PPP3CA: variants seen among roughly 807,000 people sequenced by gnomAD.
The protein encoded by PPP3CA is protein phosphatase 3 catalytic subunit alpha.
PPP3CA carries 14 observed loss-of-function variants against 66.5 expected under a neutral mutation model. The ratio of observed to expected loss-of-function variants is 0.21; its 90% CI spans 0.14 to 0.33. The LOEUF (loss-of-function observed/expected upper bound fraction) is 0.33. Ranked by LOEUF, PPP3CA falls within the 10% of genes least tolerant of loss-of-function variation. The pLI, the probability that PPP3CA is intolerant of heterozygous loss-of-function variation, is 1.00. For missense variants in PPP3CA, 317 were observed against 639.5 expected (o/e 0.50, Z 5.44); for synonymous variants, 232 against 226.2 (o/e 1.03, Z -0.23).
intron 11 of PPP3CA, among the ~76,000 whole-genome samples, chr4:101,033,138 C>CTAAA (rs1294112202): frequency 6.6e-6 from 1 of 151,884 alleles, no homozygotes; most frequent in South Asian, 2.1e-4. Context: ...ATAACCATGA[C>CTAAA]TAAATAACCA....
intron 2 of PPP3CA, among the ~76,000 whole-genome samples, chr4:101,171,575 C>T (rs1447597252): frequency 6.6e-6 from 1 of 152,098 alleles, no homozygotes; most frequent in African/African-American, 2.4e-5. Flanking sequence ...CTGCAGGAAA[C>T]TGGAACATGG....
At chr4:101,308,743 A>G (rs1047181833) in intron 1 of PPP3CA, among the ~76,000 whole-genome samples, 2 of 152,216 alleles carry the variant, frequency 1.3e-5, no homozygotes, top group Admixed American at 6.5e-5. Flanking sequence ...ATTTTTAATA[A>G]AGTGTTAGCC....
intron 11 of PPP3CA, among the ~76,000 whole-genome samples, chr4:101,036,689 G>A (rs1727268348): frequency 6.6e-6 from 1 of 152,178 alleles, no homozygotes; most frequent in East Asian, 1.9e-4. Flanking sequence ...TGGGATTACA[G>A]GCGTGAGCCA....
rs1560605247 is a variant in PPP3CA at position 101,106,463 on chromosome 4, A to AGAAAGAAAGAAAGAAAGAAG, written c.384+2490_384+2491insCTTCTTTCTTTCTTTCTTTC. On this transcript the variant is annotated intron_variant, in intron 3 of 13. Coordinates refer to ENST00000394854, the MANE Select transcript of PPP3CA (RefSeq NM_000944.5). ...AAAGAAAGAAAGAAAGAGAAAAGAAAAGAAAAGAAAAGAAAAGAAAAGAAA... is the reference window on the plus strand; with the variant it reads ...AAAGAAAGAAAGAAAGAGAAAAGAAAGAAAGAAAGAAAGAAAGAAGAGAAAAGAAAAGAAAAGAAAAGAAA... 3.2e-3 allele frequency among the ~76,000 whole-genome samples: 108 copies of AGAAAGAAAGAAAGAAAGAAG among 33,766 alleles called. 20 individuals carry two copies. The highest frequency in any genetic ancestry group is 0.029 in the Middle Eastern group (2 of 70). The allele number at this position is 33,766 out of a possible 152,430, so 22.2% of individuals were successfully genotyped here. A position where few individuals can be genotyped will look rare whatever the true frequency, so the allele number is the denominator to read the frequency against.
In PPP3CA at chr4:101,086,027, C is replaced by T. The variant is rs959925065; in HGVS notation, c.783-2764G>A. On this transcript the variant is annotated intron_variant, in intron 6 of 13. Coordinates refer to ENST00000394854, the MANE Select transcript of PPP3CA (RefSeq NM_000944.5). ...AGACAGTATTAGCTACAGGGAGGGG[C>T]GGTATAAGTTCAAGGCAGGTTTCTG... Among the ~76,000 whole-genome samples, 6 of 151,894 alleles carry T rather than the reference C, an allele frequency of 4.0e-5. No individual in the cohort carries two copies. In the South Asian group the frequency reaches 6.2e-4, roughly 16 times the overall value.
chr4:101,049,184 T>C (rs567181281), intron 10 of PPP3CA, among the ~76,000 whole-genome samples: 2 of 152,276 alleles, frequency 1.3e-5, no homozygotes, highest in Non-Finnish European at 2.9e-5. Context: ...CTCTAAGATG[T>C]TGTGTTCCGT....
intron 2 of PPP3CA, among the ~76,000 whole-genome samples, chr4:101,181,374 C>T (rs1724230115): frequency 6.6e-6 from 1 of 151,872 alleles, no homozygotes; most frequent in African/African-American, 2.4e-5. Context: ...CCTGAGGATC[C>T]TTTTTAAAAC....
Position 101,134,968 on chromosome 4 carries a change from A to T in PPP3CA, c.260-25890T>A, listed in dbSNP as rs144320723. On this transcript the variant is annotated intron_variant, in intron 2 of 13. Transcript: ENST00000394854. ...ATCATTCTCAGCAAAATAACACAGGAACAGAAAACCAAACACCGCATGTTC... is the reference window on the plus strand; with the variant it reads ...ATCATTCTCAGCAAAATAACACAGGTACAGAAAACCAAACACCGCATGTTC... 9.0e-4 allele frequency among the ~76,000 whole-genome samples: 137 copies of T among 152,248 alleles called. 2 individuals carry two copies. The East Asian group carries it at 0.023, about 26-fold the overall frequency.
intron 8 of PPP3CA, among the ~76,000 whole-genome samples, chr4:101,076,961 C>T (rs1057289417): frequency 1.1e-4 from 16 of 152,166 alleles, no homozygotes; most frequent in African/African-American, 3.9e-4. Context: ...GAGTTAGTTG[C>T]TTAATGGCAG....
chr4:101,028,012 G>C (rs1273163199), intron 13 of PPP3CA, among the ~76,000 whole-genome samples: 1 of 152,190 alleles, frequency 6.6e-6, no homozygotes, highest in Non-Finnish European at 1.5e-5. Flanking sequence ...AAGAGGAATA[G>C]AGAATTCCCA....
chr4:101,344,239 T>C (rs1372244), intron 1 of PPP3CA, among the ~76,000 whole-genome samples: 16,196 of 152,262 alleles, frequency 0.11, 2,926 homozygotes, highest in African/African-American at 0.37. Context: ...ATACGCGTAC[T>C]TTCCATTCAT....
intron 1 of PPP3CA, among the ~76,000 whole-genome samples, chr4:101,287,522 A>C (rs771546733): frequency 4.6e-5 from 7 of 152,152 alleles, no homozygotes; most frequent in Non-Finnish European, 7.3e-5. Context: ...ATTTCCTTAG[A>C]TATGCAGCCC....
intron 1 of PPP3CA, among the ~76,000 whole-genome samples, chr4:101,277,946 C>T (rs960522624): frequency 2.0e-5 from 3 of 151,916 alleles, no homozygotes; most frequent in Non-Finnish European, 2.9e-5. Context: ...AATCCCCTTC[C>T]TAATCTTCCT....
At chr4:101,134,823 A>C (rs2695211) in intron 2 of PPP3CA, among the ~76,000 whole-genome samples, 84,737 of 151,668 alleles carry the variant, frequency 0.56, 26,492 homozygotes, top group African/African-American at 0.84. Context: ...AGACTTGGGG[A>C]CAATCCAAAT....
At chr4:101,285,589 C>T (rs1332292924) in intron 1 of PPP3CA, among the ~76,000 whole-genome samples, 1 of 141,602 alleles carries the variant, frequency 7.1e-6, no homozygotes, top group Non-Finnish European at 1.5e-5. Context: ...TTTCAAATGC[C>T]ACTGTGTGTA....
At chr4:101,322,571 G>A (rs188042405) in intron 1 of PPP3CA, among the ~76,000 whole-genome samples, 6 of 151,942 alleles carry the variant, frequency 3.9e-5, no homozygotes, top group African/African-American at 7.2e-5. Flanking sequence ...CTAAACACCC[G>A]GCTAATTTTT....
At chr4:101,244,978 G>A (rs1238909382) in intron 1 of PPP3CA, among the ~76,000 whole-genome samples, 2 of 152,058 alleles carry the variant, frequency 1.3e-5, no homozygotes, top group Admixed American at 6.5e-5. Context: ...AAGAAAAATC[G>A]ACTCTGCCTA....
chr4:101,132,075 A>C (rs1722461222), intron 2 of PPP3CA, among the ~76,000 whole-genome samples: 1 of 152,234 alleles, frequency 6.6e-6, no homozygotes, highest in Admixed American at 6.5e-5. Context: ...GACACAATGT[A>C]CCAGATTCTC....
At position 101,106,450 on chromosome 4, in the gene PPP3CA, A is replaced by AAGAGAAGAGAAGAG. The variant is rs1553925316; in HGVS notation, c.384+2503_384+2504insCTCTTCTCTTCTCT. Among the ~76,000 whole-genome samples, 14 of 11,118 alleles carry AAGAGAAGAGAAGAG rather than the reference A, an allele frequency of 1.3e-3. 4 individuals are homozygous for AAGAGAAGAGAAGAG. The highest frequency in any genetic ancestry group is 4.6e-3 in the South Asian group (1 of 218). 7.3% of individuals were successfully genotyped at this position (11,118 alleles called of 152,430 possible). A position where few individuals can be genotyped will look rare whatever the true frequency, so the allele number is the denominator to read the frequency against. On this transcript the variant is annotated intron_variant, in intron 3 of 13. Coordinates refer to ENST00000394854, the MANE Select transcript of PPP3CA (RefSeq NM_000944.5). ...GAAAGAAAGAAAGAAAGAAAGAAAG[A>AAGAGAAGAGAAGAG]AAGAGAAAAGAAAAGAAAAGAAAAG...
Sources: gnomAD v4.1 joint callset for allele counts (sites outside exome capture counted in the v4.1 genomes callset) on GRCh38, gnomAD v4.1.1 for gene constraint, MANE v1.5 for transcripts, NCBI Gene and HGNC (gene_info 2026-07-23, HGNC 2026-07-21) for gene names.